The following WDR43 variants were observed in gnomAD, a reference collection of about 807,000 sequenced individuals.
The protein encoded by WDR43 is WD repeat domain 43.
Under a neutral mutation model 91.4 loss-of-function variants are expected in WDR43, and 13 were observed. That is an observed-to-expected ratio of 0.14 (90% CI 0.09 to 0.23). WDR43 has a LOEUF of 0.23. Among genes scored for constraint, WDR43 ranks in the 10% least tolerant of loss-of-function variants. The probability of loss-of-function intolerance (pLI) is 1.00; values close to 1 mark genes in which losing one functional copy is unlikely to be tolerated. For missense variants in WDR43, 780 were observed against 809.4 expected (o/e 0.96, Z 0.44); for synonymous variants, 331 against 287.9 (o/e 1.15, Z -1.51).
At chr2:28,913,175 C>T (rs773966906) in intron 4 of WDR43, among the ~76,000 whole-genome samples, 4 of 152,152 alleles carry the variant, frequency 2.6e-5, no homozygotes, top group Non-Finnish European at 4.4e-5. Flanking sequence ...ATGATGGTCT[C>T]GATCTCCTGG....
chr2:28,935,750 A>C (rs1671326286), intron 12 of WDR43, 143 bp downstream of exon 12: 1 of 24,946 alleles, frequency 4.0e-5, no homozygotes, highest in South Asian at 1.6e-3. Context: ...CTTTAGACAA[A>C]AAAAAAAAAA....
Position 28,916,240 on chromosome 2 carries a change from G to A in WDR43, c.747-1653G>A, listed in dbSNP as rs6758776. On this transcript the variant is annotated intron_variant, in intron 5 of 17. Coordinates refer to ENST00000407426, the MANE Select transcript of WDR43 (RefSeq NM_015131.3). ...TTTTTTGTGTACAAGTCTTTATATGGACATGTGATTTCATTTCTTTTGGGT... is the reference window on the plus strand; with the variant it reads ...TTTTTTGTGTACAAGTCTTTATATGAACATGTGATTTCATTTCTTTTGGGT... Among the ~76,000 whole-genome samples, 922 of 152,208 alleles carry A rather than the reference G, an allele frequency of 6.1e-3. 9 individuals are homozygous for A. The highest frequency in any genetic ancestry group is 0.021 in the African/African-American group (859 of 41,548).
At chr2:28,940,257 T>C in intron 14 of WDR43, among the ~76,000 whole-genome samples, 1 of 151,650 alleles carries the variant, frequency 6.6e-6, no homozygotes, top group South Asian at 2.1e-4. Flanking sequence ...GAGACGGAGT[T>C]TTGCTCTTGT....
chr2:28,907,051 C>A (rs1273736953), intron 3 of WDR43, among the ~76,000 whole-genome samples: 1 of 152,078 alleles, frequency 6.6e-6, no homozygotes, highest in East Asian at 1.9e-4. Context: ...TAATGGATGG[C>A]AGATGATATG....
In WDR43 at chr2:28,898,585, G is replaced by T. The variant is rs142226590; in HGVS notation, c.226-3402G>T. Among the ~76,000 whole-genome samples the T allele has an allele frequency of 5.8e-4, 89 of 152,252 alleles. 2 individuals are homozygous for T. The highest frequency in any genetic ancestry group is 2.1e-3 in the African/African-American group (86 of 41,554). ...GAAATGGATTAGGAGACTAATTGCA[G>T]AATGAAACTTGAAACTTGGCATACT... On this transcript the variant is annotated intron_variant, in intron 1 of 17. Coordinates refer to ENST00000407426, the MANE Select transcript of WDR43 (RefSeq NM_015131.3).
At chr2:28,915,541 A>G (rs1670888871) in intron 5 of WDR43, among the ~76,000 whole-genome samples, 3 of 152,256 alleles carry the variant, frequency 2.0e-5, no homozygotes, top group Non-Finnish European at 4.4e-5. Context: ...AGTGTCTATT[A>G]TATGTGGGTG....
rs767051100 is a variant in WDR43 at position 28,914,158 on chromosome 2, A to G, written c.696A>G (p.Thr232=). The change falls in exon 5 of 18, where the codon ACA becomes ACG. Residue 232 remains threonine, a synonymous_variant. Transcript: ENST00000407426. The part of the protein sequence containing the change: ...PNESQPFDGI[T]GLYFLSGAVH... ...AGAGCCAGCCCTTTGATGGAATTAC[A>G]GGTCTTTATTTCTTATCTGGAGCAG... The G allele has an allele frequency of 3.7e-6, 6 of 1,613,820 alleles. No homozygotes were observed. The highest frequency in any genetic ancestry group is 3.4e-6 in the Non-Finnish European group (4 of 1,179,898).
intron 3 of WDR43, among the ~76,000 whole-genome samples, chr2:28,907,903 C>A (rs200125377): frequency 6.5e-4 from 95 of 146,430 alleles, no homozygotes; most frequent in Middle Eastern, 3.6e-3. Context: ...GACTCCGTCT[C>A]AAAAAAAAAA....
intron 3 of WDR43, among the ~76,000 whole-genome samples, chr2:28,911,332 T>A (rs1440285643): frequency 6.6e-6 from 1 of 151,828 alleles, no homozygotes; most frequent in Non-Finnish European, 1.5e-5. Flanking sequence ...CTTGCTCTGT[T>A]GCCCAGGCTG....
At chr2:28,931,593 G>T (rs997530202) in intron 11 of WDR43, among the ~76,000 whole-genome samples, 12 of 151,198 alleles carry the variant, frequency 7.9e-5, no homozygotes, top group African/African-American at 2.9e-4. Flanking sequence ...AGATCTAGAA[G>T]CTTGAAGATC....
chr2:28,894,707 G>A lies in WDR43; in HGVS notation c.9G>A (p.Ala3=), dbSNP rs1172295475. 4 of 1,559,168 alleles carry A rather than the reference G, an allele frequency of 2.6e-6. No individual in the cohort carries two copies. The highest frequency in any genetic ancestry group is 2.6e-6 in the Non-Finnish European group (3 of 1,152,704). Residue 3 remains alanine, a synonymous_variant, in exon 1 of 18, where the codon GCG becomes GCA. Transcript: ENST00000407426. Reference sequence around the variant, plus strand: ...GCGGGGCCAGAGCAGCAATGGCGGCGGGCGGCGGCGGTAGCTGCGACCCCC... The same window carrying A: ...GCGGGGCCAGAGCAGCAATGGCGGCAGGCGGCGGCGGTAGCTGCGACCCCC... The part of the protein sequence containing the change: MA[A]GGGGSCDPLA...
At chr2:28,944,801 C>G (rs1232103585) in intron 16 of WDR43, among the ~76,000 whole-genome samples, 1 of 152,242 alleles carries the variant, frequency 6.6e-6, no homozygotes, top group Non-Finnish European at 1.5e-5. Flanking sequence ...TACTAAACGA[C>G]TAACGGGTGG....
intron 4 of WDR43, among the ~76,000 whole-genome samples, chr2:28,913,309 C>T (rs1167296195): frequency 1.3e-5 from 2 of 151,768 alleles, no homozygotes; most frequent in Non-Finnish European, 2.9e-5. Flanking sequence ...TATGTATCCA[C>T]AAAAAAGAAA....
At chr2:28,905,245 TAGAA>T (rs1558368925) in intron 2 of WDR43, among the ~76,000 whole-genome samples, 1 of 152,152 alleles carries the variant, frequency 6.6e-6, no homozygotes, top group Non-Finnish European at 1.5e-5. Context: ...TGACTTCAGG[TAGAA>T]AGAATGAAAT....
At position 28,941,760 on chromosome 2, in the gene WDR43, C is replaced by T. The variant is rs117908464; in HGVS notation, c.1734+186C>T. Reference sequence around the variant, plus strand: ...AGCTGGGACTACACGGATGCACCACCATGCCTGGCTAATTTTTAAATTTTC... The same window carrying T: ...AGCTGGGACTACACGGATGCACCACTATGCCTGGCTAATTTTTAAATTTTC... On this transcript the variant is annotated intron_variant, in intron 15 of 17. Transcript: ENST00000407426. 1.3e-3 allele frequency among the ~76,000 whole-genome samples: 198 copies of T among 152,270 alleles called. 5 individuals are homozygous for T. The East Asian group carries it at 0.037, about 28-fold the overall frequency.
At chr2:28,933,348 A>T (rs947115264) in intron 11 of WDR43, among the ~76,000 whole-genome samples, 1 of 152,194 alleles carries the variant, frequency 6.6e-6, no homozygotes. Flanking sequence ...AAAAAAATGG[A>T]TCTCAGTTTT....
intron 9 of WDR43, 178 bp from the exon 10 acceptor site, chr2:28,927,391 A>G (rs1462769567): frequency 1.6e-5 from 12 of 739,298 alleles, no homozygotes; most frequent in Non-Finnish European, 2.5e-5. Flanking sequence ...AGTCTTTCAG[A>G]TTGTCACTTA....
intron 9 of WDR43, chr2:28,927,310 G>A (rs1274218374): frequency 2.1e-6 from 1 of 468,610 alleles, no homozygotes. Flanking sequence ...TATTTAATAA[G>A]TTCTGATAAC....
At position 28,923,077 on chromosome 2, in the gene WDR43, C is replaced by G. The variant is rs552246693; in HGVS notation, c.914+94C>G. On this transcript the variant is annotated intron_variant, in intron 7 of 17. Transcript: ENST00000407426. Reference sequence around the variant, plus strand: ...CCTGGTTATTCTTTGCATCATATTACTATTCAGCCAGATTATTTTGAAAGC... The same window carrying G: ...CCTGGTTATTCTTTGCATCATATTAGTATTCAGCCAGATTATTTTGAAAGC... The G allele has an allele frequency of 5.1e-5, 53 of 1,037,944 alleles. 1 individual carries two copies. Among genetic ancestry groups the G allele is most frequent in the South Asian group, 4.6e-4 (29 of 62,712 alleles). The allele number at this position is 1,037,944 out of a possible 1,614,324, so 64.3% of individuals were successfully genotyped here.
Sources: allele counts gnomAD v4.1 joint callset (sites outside exome capture counted in the v4.1 genomes callset), GRCh38; gene constraint gnomAD v4.1.1; transcripts MANE v1.5; gene names NCBI Gene and HGNC (gene_info 2026-07-23, HGNC 2026-07-21).